The following CPEB2 variants were observed in gnomAD, a reference collection of about 807,000 sequenced individuals.
CPEB2 encodes cytoplasmic polyadenylation element-binding protein 2.
CPEB2 carries 56 observed loss-of-function variants against 93.6 expected under a neutral mutation model. The observed-to-expected ratio is 0.60, with a 90% CI of 0.48 to 0.75. CPEB2 has a LOEUF of 0.75. Among genes scored for constraint, CPEB2 ranks in the 30% least tolerant of loss-of-function variants. The probability of loss-of-function intolerance (pLI) is 0.00; values close to 1 mark genes in which losing one functional copy is unlikely to be tolerated. For missense variants in CPEB2, 1,579 were observed against 1,395.1 expected (o/e 1.13, Z -2.10); for synonymous variants, 764 against 586.3 (o/e 1.30, Z -4.38).
intron 5 of CPEB2, among the ~76,000 whole-genome samples, chr4:15,033,994 T>C (rs756922363): frequency 3.9e-5 from 6 of 152,110 alleles, no homozygotes; most frequent in Non-Finnish European, 7.4e-5. Flanking sequence ...AAGATGGCAA[T>C]GAAGTTGAGG....
chr4:15,062,643 A>C (rs1426523197), intron 11 of CPEB2, among the ~76,000 whole-genome samples: 1 of 152,078 alleles, frequency 6.6e-6, no homozygotes, highest in East Asian at 1.9e-4. Context: ...AATAGAAAAC[A>C]ATGATAACAT....
chr4:15,006,451 TAG>T (rs1722830754), intron 1 of CPEB2: 2 of 151,900 alleles, frequency 1.3e-5, no homozygotes, highest in Admixed American at 6.6e-5. Context: ...CTACAATTAT[TAG>T]CGTTTTGATG....
chr4:15,017,326 G>A, intron 4 of CPEB2, 48 bp downstream of exon 4: 1 of 968,418 alleles, frequency 1.0e-6, no homozygotes. Flanking sequence ...ACACCAATTT[G>A]CTTATCTTAC....
Position 15,059,167 on chromosome 4 carries a change from C to A in CPEB2, c.2581-20C>A. 1 of 1,427,858 alleles carries A rather than the reference C, an allele frequency of 7.0e-7. No individual in the cohort carries two copies. The highest frequency in any genetic ancestry group is 9.8e-7 in the Non-Finnish European group (1 of 1,015,402). 88.4% of individuals were successfully genotyped at this position (1,427,858 alleles called of 1,614,324 possible). A position where few individuals can be genotyped will look rare whatever the true frequency, so the allele number is the denominator to read the frequency against. ...CATAAGACATCAAGGGAGTAAGACC[C>A]AATGTAATTTTCTTCATAGGTTCAA... On this transcript the variant is annotated intron_variant, in intron 9 of 11. Coordinates refer to ENST00000538197, the MANE Select transcript of CPEB2 (RefSeq NM_001177382.2).
intron 4 of CPEB2, among the ~76,000 whole-genome samples, chr4:15,029,719 T>C (rs1346076273): frequency 6.6e-6 from 1 of 152,128 alleles, no homozygotes; most frequent in African/African-American, 2.4e-5. Context: ...TTAACACTTC[T>C]AGAGTAGTAT....
rs1199268172 is a variant in CPEB2, at chr4:15,008,403, A to C, written c.2010A>C (p.Ala670=). The C allele has an allele frequency of 6.2e-7, 1 of 1,613,786 alleles. No individual in the cohort carries two copies. The highest frequency in any genetic ancestry group is 1.7e-5 in the Admixed American group (1 of 60,018). Residue 670 remains alanine (A), a synonymous_variant, in exon 3 of 12, where the codon GCA becomes GCC. Transcript: ENST00000538197. ...CACTCCAAGATAGTTGGTGCACTGC[A>C]GCCGGAACATCCAGAATAGACCAGG... is the stretch of plus-strand genomic sequence containing the variant. ...SDSLQDSWCT[A]AGTSRIDQDR... is the part of the protein sequence containing the mutation.
chr4:15,022,666 G>T (rs1577393826), intron 4 of CPEB2, among the ~76,000 whole-genome samples: 1 of 151,938 alleles, frequency 6.6e-6, no homozygotes, highest in South Asian at 2.1e-4. Flanking sequence ...GGAGTAAATT[G>T]TATTTATATA....
intron 9 of CPEB2, among the ~76,000 whole-genome samples, chr4:15,058,879 C>T (rs1728946515): frequency 6.6e-6 from 1 of 152,114 alleles, no homozygotes; most frequent in African/African-American, 2.4e-5. Context: ...ATCTAGGTTG[C>T]ATGTTCTTTA....
rs750792529 is a variant in CPEB2 at position 15,058,474 on chromosome 4, G to C, written c.2515G>C (p.Ala839Pro). The change falls in exon 9 of 12, where the codon GCT becomes CCT. Residue 839 changes from alanine to proline, a missense_variant. By Grantham distance (27) the Ala-to-Pro change is conservative. Around this residue, in one of 2 missense-constraint regions of CPEB2, gnomAD observed 168 missense variants for 339.1 expected, o/e 0.50. Coordinates refer to ENST00000538197, the MANE Select transcript of CPEB2 (RefSeq NM_001177382.2). ...GAGCTCAGTTCAGGCACTCATTGAT[G>C]CTTGTATTGAAGAAGATGGAAAACT... ...EESSVQALID[A>P]CIEEDGKLYL... The C allele has an allele frequency of 6.2e-7, 1 of 1,612,942 alleles. No individual in the cohort carries two copies. The highest frequency in any genetic ancestry group is 1.3e-5 in the African/African-American group (1 of 74,828).
At chr4:15,019,717 A>C (rs1239350652) in intron 4 of CPEB2, among the ~76,000 whole-genome samples, 3 of 152,102 alleles carry the variant, frequency 2.0e-5, no homozygotes, top group Non-Finnish European at 4.4e-5. Context: ...GGATCTGATG[A>C]AAAAGGAGAA....
intron 1 of CPEB2, among the ~76,000 whole-genome samples, chr4:15,005,567 C>A (rs1443397229): frequency 6.6e-6 from 1 of 152,104 alleles, no homozygotes; most frequent in Non-Finnish European, 1.5e-5. Context: ...CTGTTTAAGT[C>A]CATTTTCTAT....
intron 4 of CPEB2, among the ~76,000 whole-genome samples, chr4:15,030,866 C>G (rs1307374167): frequency 6.6e-6 from 1 of 151,956 alleles, no homozygotes; most frequent in African/African-American, 2.4e-5. Context: ...TATCAAAAGA[C>G]TATTAGCAGT....
Position 15,062,244 on chromosome 4 carries a change from G to A in CPEB2, c.2861G>A (p.Gly954Asp). ...GCTCGGTTTGTTCAGCTTCAGCATG[G>A]TGATATTGATAAACGTGTAAGTTGC... ...ISARFVQLQH[G>D]DIDKRVEVKP... Residue 954 changes from glycine (G) to aspartate (D), a missense_variant, in exon 11 of 12, where the codon GGT (glycine) becomes GAT (aspartate). This residue lies in a region of CPEB2 where 168 missense variants were observed against 339.1 expected (regional missense o/e 0.50). Transcript: ENST00000538197. 6.2e-7 allele frequency: 1 copy of A among 1,609,830 alleles called. No individual in the cohort carries two copies. The highest frequency in any genetic ancestry group is 1.1e-5 in the South Asian group (1 of 90,678).
chr4:15,009,276 G>C (rs1723184953), intron 3 of CPEB2, among the ~76,000 whole-genome samples: 2 of 152,182 alleles, frequency 1.3e-5, no homozygotes, highest in African/African-American at 4.8e-5. Context: ...GATTTTACAA[G>C]TAAGGACATA....
In CPEB2 at chr4:15,006,977, C is replaced by T. The variant is rs1577357717; in HGVS notation, c.1663-328C>T. On this transcript the variant is annotated intron_variant, in intron 1 of 11. Coordinates refer to ENST00000538197, the MANE Select transcript of CPEB2 (RefSeq NM_001177382.2). Reference sequence around the variant, plus strand: ...CCATGTATGTTATATCTTTAAGAATCTTCAGAGTTAATTTCAATTTTTTTC... The same window carrying T: ...CCATGTATGTTATATCTTTAAGAATTTTCAGAGTTAATTTCAATTTTTTTC... 2.0e-5 allele frequency among the ~76,000 whole-genome samples: 3 copies of T among 152,118 alleles called. No individual in the cohort carries two copies. The East Asian group carries it at 5.8e-4, about 29-fold the overall frequency.
intron 8 of CPEB2, among the ~76,000 whole-genome samples, chr4:15,054,810 G>A (rs1190598701): frequency 1.3e-5 from 2 of 152,152 alleles, no homozygotes; most frequent in Non-Finnish European, 2.9e-5. Flanking sequence ...AAGAGGAAGA[G>A]AGGAGAAAGG....
rs148002711 is a variant in CPEB2 at position 15,054,080 on chromosome 4, C to T, written c.2372-48C>T. 8.8e-3 allele frequency: 11,329 copies of T among 1,283,718 alleles called. 128 individuals carry two copies. Among genetic ancestry groups the T allele is most frequent in the South Asian group, 0.038 (2,878 of 76,664 alleles). 79.5% of individuals were successfully genotyped at this position (1,283,718 alleles called of 1,614,324 possible). On this transcript the variant is annotated intron_variant, in intron 7 of 11. Coordinates refer to ENST00000538197, the MANE Select transcript of CPEB2 (RefSeq NM_001177382.2). ...AGTAACAGTACAGAATTTCTTAGAA[C>T]GAATCACTGAAACTAATTTCTAATG...
Position 15,004,236 on chromosome 4 carries a change from G to T in CPEB2, c.1563G>T (p.Pro521=), listed in dbSNP as rs1217558903. Residue 521 remains proline (P), a synonymous_variant, in exon 1 of 12, where the codon CCG becomes CCT. Coordinates refer to ENST00000538197, the MANE Select transcript of CPEB2 (RefSeq NM_001177382.2). ...CGCCGCCCGCGGCGCCGCAGCAGCCGCAGAGCCGGAGGTCGCCCGTCAGCC... is the reference window on the plus strand; with the variant it reads ...CGCCGCCCGCGGCGCCGCAGCAGCCTCAGAGCCGGAGGTCGCCCGTCAGCC... The part of the protein sequence containing the change: ...QPPPPAAPQQ[P]QSRRSPVSPQ... The T allele has an allele frequency of 2.7e-6, 4 of 1,478,180 alleles. No individual in the cohort carries two copies. The highest frequency in any genetic ancestry group is 2.9e-5 in the East Asian group (1 of 34,406). 91.6% of individuals were successfully genotyped at this position (1,478,180 alleles called of 1,614,324 possible).
chr4:15,033,204 G>C lies in CPEB2; in HGVS notation c.2169G>C (p.Met723Ile). ...ATCCAGGAACTGACAATCTGTTGAT[G>C]TTAAATGGTAAGTTTTATAAAAACA... ...YPHPGTDNLL[M>I]LNARSYGRRR... The change falls in exon 5 of 12, where the codon ATG (methionine) becomes ATC (isoleucine). Residue 723 changes from methionine (M) to isoleucine (I), a missense_variant. Around this residue, in one of 2 missense-constraint regions of CPEB2, gnomAD observed 1,411 missense variants for 1,056.0 expected, o/e 1.34. Transcript: ENST00000538197. 1 of 1,586,976 alleles carries C rather than the reference G, an allele frequency of 6.3e-7. No homozygotes were observed. Among genetic ancestry groups the C allele is most frequent in the African/African-American group, 1.3e-5 (1 of 74,270 alleles).
Sources: gnomAD v4.1 joint callset for allele counts (sites outside exome capture counted in the v4.1 genomes callset) on GRCh38, gnomAD v4.1.1 for gene constraint, gnomAD v4.1.1 regional missense constraint, MANE v1.5 for transcripts, NCBI Gene and HGNC (gene_info 2026-07-23, HGNC 2026-07-21) for gene names.